MAP3K1: variants seen among roughly 807,000 people sequenced by gnomAD.
The protein encoded by MAP3K1 is mitogen-activated protein kinase kinase kinase 1.
A neutral mutation model predicts 144.2 loss-of-function variants in MAP3K1; 36 were observed. That is an observed-to-expected ratio of 0.25 (90% CI 0.19 to 0.33). The LOEUF (loss-of-function observed/expected upper bound fraction) is 0.33. MAP3K1 is among the 10% of genes least tolerant of loss of function. The pLI is 1.00. For synonymous variants in MAP3K1, 718 were observed against 688.7 expected, an observed-to-expected ratio of 1.04 and a Z score of -0.67; for missense variants, 1,650 against 1,881.9, an observed-to-expected ratio of 0.88 and a Z score of 2.28.
In MAP3K1 at chr5:56,894,254, G is replaced by A. The variant is rs1748636243; in HGVS notation, c.*574G>A. 1 of 233,980 alleles carries A rather than the reference G, an allele frequency of 4.3e-6. No homozygotes were observed. Among genetic ancestry groups the A allele is most frequent in the African/African-American group, 2.2e-5 (1 of 45,214 alleles). 14.5% of individuals were successfully genotyped at this position (233,980 alleles called of 1,614,324 possible). A position where few individuals can be genotyped will look rare whatever the true frequency, so the allele number is the denominator to read the frequency against. On this transcript the variant is annotated 3_prime_UTR_variant, in exon 20 of 20. Coordinates refer to ENST00000399503, the MANE Select transcript of MAP3K1 (RefSeq NM_005921.2). ...AATACCAGGGCAGTTGTGGCTCATTGTGCATTTTACTGTTGGCCCATTCAT... is the reference window on the plus strand; with the variant it reads ...AATACCAGGGCAGTTGTGGCTCATTATGCATTTTACTGTTGGCCCATTCAT...
chr5:56,830,056 C>G (rs1233519820), intron 1 of MAP3K1, among the ~76,000 whole-genome samples: 1 of 152,188 alleles, frequency 6.6e-6, no homozygotes, highest in Non-Finnish European at 1.5e-5. Context: ...TCTTCTCCCT[C>G]TTACTTCTTG....
intron 10 of MAP3K1, among the ~76,000 whole-genome samples, chr5:56,877,164 A>G (rs1748059084): frequency 6.6e-6 from 1 of 152,250 alleles, no homozygotes; most frequent in Non-Finnish European, 1.5e-5. Context: ...ATACTATAGA[A>G]TAAAGACCAA....
chr5:56,881,330 T>C, intron 13 of MAP3K1, 58 bp downstream of exon 13: 1 of 1,409,316 alleles, frequency 7.1e-7, no homozygotes, highest in Non-Finnish European at 1.0e-6. Context: ...TACACCCTCC[T>C]CAAGAATGAC....
At chr5:56,871,529 G>GGTCC (rs1747852520) in intron 6 of MAP3K1, among the ~76,000 whole-genome samples, 1 of 152,092 alleles carries the variant, frequency 6.6e-6, no homozygotes, top group African/African-American at 2.4e-5. Context: ...TGAGCTCTAA[G>GGTCC]GTCCGCCAGT....
chr5:56,853,805 G>T lies in MAP3K1; in HGVS notation c.483-2795G>T, dbSNP rs567368476. On this transcript the variant is annotated intron_variant, in intron 1 of 19. Transcript: ENST00000399503. ...GGGTTATTGAGGCAGTGAAGAAGGGGGGTTGCAGGTCTGATGACAGGAATT... is the reference window on the plus strand; with the variant it reads ...GGGTTATTGAGGCAGTGAAGAAGGGTGGTTGCAGGTCTGATGACAGGAATT... Among the ~76,000 whole-genome samples, 72 of 152,278 alleles carry T rather than the reference G, an allele frequency of 4.7e-4. No homozygotes were observed. In the Middle Eastern group the frequency reaches 0.017, roughly 36 times the overall value.
chr5:56,828,904 G>T (rs1746398904), intron 1 of MAP3K1, among the ~76,000 whole-genome samples: 1 of 151,926 alleles, frequency 6.6e-6, no homozygotes, highest in South Asian at 2.1e-4. Context: ...AGTTAAAAAT[G>T]CATCGCTTGG....
At chr5:56,829,618 G>T (rs1275186636) in intron 1 of MAP3K1, among the ~76,000 whole-genome samples, 1 of 152,110 alleles carries the variant, frequency 6.6e-6, no homozygotes, top group Non-Finnish European at 1.5e-5. Context: ...TCCTGCTTCT[G>T]CCCCAACCCA....
chr5:56,863,243 T>G (rs1747572825), intron 3 of MAP3K1, among the ~76,000 whole-genome samples: 1 of 152,274 alleles, frequency 6.6e-6, no homozygotes, highest in Non-Finnish European at 1.5e-5. Flanking sequence ...ACCACTTGGT[T>G]CATGAATCAT....
intron 4 of MAP3K1, 24 bp downstream of exon 4, chr5:56,864,958 CTT>C (rs769688685): frequency 6.2e-7 from 1 of 1,605,846 alleles, no homozygotes; most frequent in Non-Finnish European, 8.5e-7. Flanking sequence ...CCATTTTATA[CTT>C]TATTAGTAGT....
intron 1 of MAP3K1, among the ~76,000 whole-genome samples, chr5:56,844,401 G>T (rs554772716): frequency 1.3e-5 from 2 of 151,664 alleles, no homozygotes; most frequent in African/African-American, 4.8e-5. Flanking sequence ...GGATGGTCTC[G>T]ATCTCCTGAC....
At chr5:56,863,266 T>C (rs953220016) in intron 3 of MAP3K1, among the ~76,000 whole-genome samples, 2 of 152,256 alleles carry the variant, frequency 1.3e-5, no homozygotes, top group African/African-American at 4.8e-5. Flanking sequence ...TTTGCTCAAA[T>C]AAACTCTGTT....
At chr5:56,864,529 C>G (rs1185054605) in intron 3 of MAP3K1, among the ~76,000 whole-genome samples, 1 of 152,086 alleles carries the variant, frequency 6.6e-6, no homozygotes, top group East Asian at 1.9e-4. Flanking sequence ...CATGTGCCAT[C>G]ACACCCAGCT....
intron 1 of MAP3K1, among the ~76,000 whole-genome samples, chr5:56,845,510 A>G (rs1187874246): frequency 2.0e-5 from 3 of 152,096 alleles, no homozygotes; most frequent in South Asian, 4.1e-4. Context: ...GGAAGTTCCA[A>G]CCTACTTCTC....
intron 1 of MAP3K1, among the ~76,000 whole-genome samples, chr5:56,837,378 T>C (rs1039135654): frequency 6.6e-6 from 1 of 152,164 alleles, no homozygotes; most frequent in Non-Finnish European, 1.5e-5. Context: ...TTAGCTTCTT[T>C]ACTGACCATC....
chr5:56,856,655 C>G lies in MAP3K1; in HGVS notation c.538C>G (p.Pro180Ala). 1 of 1,613,832 alleles carries G rather than the reference C, an allele frequency of 6.2e-7. No individual in the cohort carries two copies. Among genetic ancestry groups the G allele is most frequent in the Non-Finnish European group, 8.5e-7 (1 of 1,179,848 alleles). The change falls in exon 2 of 20, where the codon CCA becomes GCA. Residue 180 changes from proline to alanine, a missense_variant. By Grantham distance (27) the Pro-to-Ala change is conservative (BLOSUM62 -1). This residue lies in a region of MAP3K1 where 148 missense variants were observed against 177.2 expected (regional missense o/e 0.84). Transcript: ENST00000399503. ...LKGLHKMDDR[P>A]EERMIREKLK... ...AGGGTTGCACAAGATGGATGATCGT[C>G]CAGAGGAACGAATGATCAGGGAGAA...
chr5:56,848,576 T>G (rs1747069422), intron 1 of MAP3K1, among the ~76,000 whole-genome samples: 1 of 152,212 alleles, frequency 6.6e-6, no homozygotes, highest in African/African-American at 2.4e-5. Flanking sequence ...AGTGATTGTG[T>G]GTTTACAGTA....
intron 1 of MAP3K1, among the ~76,000 whole-genome samples, chr5:56,836,147 G>C (rs571171737): frequency 2.3e-4 from 35 of 152,318 alleles, no homozygotes; most frequent in African/African-American, 8.4e-4. Context: ...GACTGAGGTT[G>C]ATGTGAGCAG....
At chr5:56,855,371 A>G (rs1037325158) in intron 1 of MAP3K1, among the ~76,000 whole-genome samples, 1 of 152,114 alleles carries the variant, frequency 6.6e-6, no homozygotes, top group African/African-American at 2.4e-5. Context: ...GTGTAAGGAA[A>G]TATTTTACGC....
chr5:56,892,551 G>A (rs921903765), intron 19 of MAP3K1, among the ~76,000 whole-genome samples: 3 of 152,104 alleles, frequency 2.0e-5, no homozygotes, highest in African/African-American at 7.2e-5. Context: ...GTACCTTCTA[G>A]TGATTGAAAT....
Sources: allele counts gnomAD v4.1 joint callset (sites outside exome capture counted in the v4.1 genomes callset), GRCh38; gene constraint gnomAD v4.1.1; regional missense constraint gnomAD v4.1.1; transcripts MANE v1.5; gene names NCBI Gene and HGNC (gene_info 2026-07-23, HGNC 2026-07-21).